Variants in MDGA2 observed in about 807,000 individuals in gnomAD.
MDGA2 encodes the protein MAM domain-containing glycosylphosphatidylinositol anchor protein 2.
A neutral mutation model predicts 117.8 loss-of-function variants in MDGA2; 40 were observed. The ratio of observed to expected loss-of-function variants is 0.34; its 90% CI spans 0.26 to 0.44. The LOEUF (loss-of-function observed/expected upper bound fraction) is 0.44. MDGA2 is among the 20% of genes least tolerant of loss of function. The probability of loss-of-function intolerance (pLI) is 1.00; values close to 1 mark genes in which losing one functional copy is unlikely to be tolerated. For synonymous variants in MDGA2, 452 were observed against 439.0 expected (o/e 1.03, Z -0.37); for missense variants, 1,123 against 1,250.6 (o/e 0.90, Z 1.54).
At chr14:46,961,075 G>C (rs1344432874) in intron 8 of MDGA2, among the ~76,000 whole-genome samples, 1 of 151,880 alleles carries the variant, frequency 6.6e-6, no homozygotes, top group Non-Finnish European at 1.5e-5. Flanking sequence ...GGTGTAAAGA[G>C]GTCAACTCAA....
intron 2 of MDGA2, among the ~76,000 whole-genome samples, chr14:47,257,934 T>G (rs1292422958): frequency 6.6e-6 from 1 of 152,202 alleles, no homozygotes; most frequent in African/African-American, 2.4e-5. Flanking sequence ...AAGTTTTAAC[T>G]AGTTGCAAAG....
rs181668058 is a variant in MDGA2 at position 47,416,425 on chromosome 14, A to G, written c.281-114875T>C. Reference sequence around the variant, plus strand: ...CAGACTAAAGCAAGGAGAACCTCCAACATTGCTTGTAGTCCTGCCCCCACA... The same window carrying G: ...CAGACTAAAGCAAGGAGAACCTCCAGCATTGCTTGTAGTCCTGCCCCCACA... On this transcript the variant is annotated intron_variant, in intron 1 of 16. Transcript: ENST00000399232. 4.4e-3 allele frequency among the ~76,000 whole-genome samples: 675 copies of G among 152,332 alleles called. 5 individuals carry two copies. Among genetic ancestry groups the G allele is most frequent in the Non-Finnish European group, 6.8e-3 (463 of 68,034 alleles).
chr14:47,040,267 T>G (rs866867050), intron 7 of MDGA2, among the ~76,000 whole-genome samples: 1 of 152,106 alleles, frequency 6.6e-6, no homozygotes, highest in Non-Finnish European at 1.5e-5. Context: ...AAAGAAATCC[T>G]AGAAAGAACT....
rs544255243 is a variant in MDGA2 at position 46,884,362 on chromosome 14, C to T, written c.2239-2141G>A. On this transcript the variant is annotated intron_variant, in intron 10 of 16. Transcript: ENST00000399232. This position sits in a 1 kb window ranked among gnomAD's most constrained non-coding sequence, Gnocchi z 4.1. ...AATGCCATTTTCCCTTGGATTTTTA[C>T]GTAGTACTTTCTCTATGTACACACA... Among the ~76,000 whole-genome samples the T allele has an allele frequency of 6.6e-6, 1 of 152,094 alleles. No individual in the cohort carries two copies. Among genetic ancestry groups the T allele is most frequent in the Admixed American group, 6.6e-5 (1 of 15,236 alleles).
Position 47,089,856 on chromosome 14 carries a change from G to GAA in MDGA2, c.1195+6996_1195+6997dup, listed in dbSNP as rs113476878. 1.0e-3 allele frequency among the ~76,000 whole-genome samples: 151 copies of GAA among 149,894 alleles called. 1 individual carries two copies. The highest frequency in any genetic ancestry group is 2.8e-3 in the African/African-American group (113 of 40,850). On this transcript the variant is annotated intron_variant, in intron 6 of 16. Transcript: ENST00000399232. The stretch of plus-strand genomic sequence containing the variant: ...GTGCCCGGCCTTCTGTTTTACTTCT[G>GAA]AAAAAAAAAGGGAATAATAATTTTT...
chr14:47,071,828 A>G (rs1890292055), intron 6 of MDGA2, among the ~76,000 whole-genome samples: 1 of 152,148 alleles, frequency 6.6e-6, no homozygotes, highest in Non-Finnish European at 1.5e-5. Context: ...GCACCTGCAT[A>G]AAGGAGACAT....
At chr14:47,333,232 A>T (rs1890343824) in intron 1 of MDGA2, among the ~76,000 whole-genome samples, 1 of 151,920 alleles carries the variant, frequency 6.6e-6, no homozygotes, top group Non-Finnish European at 1.5e-5. Flanking sequence ...TTTTTCATAG[A>T]GGCTGTACTA....
At chr14:47,072,112 G>C (rs11157537) in intron 6 of MDGA2, among the ~76,000 whole-genome samples, 20,360 of 107,072 alleles carry the variant, frequency 0.19, 4,147 homozygotes, top group Middle Eastern at 0.33. Flanking sequence ...GGGGGGGGGG[G>C]GGTTTGCAGG....
chr14:47,309,470 T>C (rs1038402642), intron 1 of MDGA2, among the ~76,000 whole-genome samples: 2 of 152,124 alleles, frequency 1.3e-5, no homozygotes, highest in African/African-American at 4.8e-5. Context: ...CATATGACTT[T>C]AGTTGAAAGG....
At chr14:47,034,905 G>T in intron 8 of MDGA2, 106 bp downstream of exon 8, 3 of 944,304 alleles carry the variant, frequency 3.2e-6, no homozygotes, top group South Asian at 1.6e-5. Flanking sequence ...TGTAGAAATA[G>T]TTCATTCAAT....
rs1365251293 is a variant in MDGA2 at position 47,046,622 on chromosome 14, T to TAA, written c.1526-11320_1526-11319dup. Among the ~76,000 whole-genome samples, 150 of 151,208 alleles carry TAA rather than the reference T, an allele frequency of 9.9e-4. 2 individuals carry two copies. Among genetic ancestry groups the TAA allele is most frequent in the African/African-American group, 3.4e-3 (142 of 41,396 alleles). On this transcript the variant is annotated intron_variant, in intron 7 of 16. Transcript: ENST00000399232. ...TAATAAAAATAAATAAATAAATAAA[T>TAA]AAATATAAATAAAATAATGCAGAGT...
chr14:47,435,105 C>T (rs1347970924), intron 1 of MDGA2, among the ~76,000 whole-genome samples: 1 of 152,120 alleles, frequency 6.6e-6, no homozygotes, highest in Non-Finnish European at 1.5e-5. Context: ...CACTGCACTA[C>T]ATCCTGGGAG....
intron 1 of MDGA2, among the ~76,000 whole-genome samples, chr14:47,317,017 A>G (rs1594791827): frequency 6.6e-6 from 1 of 152,142 alleles, no homozygotes; most frequent in Non-Finnish European, 1.5e-5. Context: ...ATAAGCTCCT[A>G]TTAGCTACCA....
chr14:47,227,670 C>G (rs1294388773), intron 2 of MDGA2, among the ~76,000 whole-genome samples: 1 of 150,880 alleles, frequency 6.6e-6, no homozygotes. Flanking sequence ...AAAAAAAAAT[C>G]ATTGTTGCTT....
intron 3 of MDGA2, among the ~76,000 whole-genome samples, chr14:47,209,389 G>C (rs1460464768): frequency 6.6e-5 from 10 of 152,098 alleles, no homozygotes; most frequent in African/African-American, 1.4e-4. Context: ...TTCAGAATCA[G>C]GTTGAATGAG....
intron 8 of MDGA2, among the ~76,000 whole-genome samples, chr14:46,998,404 C>T (rs1033034785): frequency 2.0e-5 from 3 of 152,146 alleles, no homozygotes; most frequent in Admixed American, 6.6e-5. Context: ...TATAAACATA[C>T]GTATTAGAGG....
intron 1 of MDGA2, among the ~76,000 whole-genome samples, chr14:47,372,441 G>T (rs1244768929): frequency 6.6e-6 from 1 of 151,778 alleles, no homozygotes; most frequent in Non-Finnish European, 1.5e-5. Flanking sequence ...TCACAGAAGA[G>T]GAAATTTAAA....
chr14:47,261,892 A>G (rs984175951), intron 2 of MDGA2, among the ~76,000 whole-genome samples: 7 of 152,166 alleles, frequency 4.6e-5, no homozygotes, highest in Non-Finnish European at 1.0e-4. Flanking sequence ...TTTGCACAGT[A>G]AACAAGGAGA....
At chr14:47,094,667 A>G (rs1301852186) in intron 6 of MDGA2, among the ~76,000 whole-genome samples, 1 of 152,036 alleles carries the variant, frequency 6.6e-6, no homozygotes, top group Non-Finnish European at 1.5e-5. Flanking sequence ...CAGTACTTTA[A>G]TATTACACTT....
Sources: gnomAD v4.1 joint callset for allele counts (sites outside exome capture counted in the v4.1 genomes callset) on GRCh38, gnomAD v4.1.1 for gene constraint, Gnocchi (gnomAD v3.1) non-coding constraint, MANE v1.5 for transcripts, NCBI Gene and HGNC (gene_info 2026-07-23, HGNC 2026-07-21) for gene names.